Variants in RABGEF1 observed in about 807,000 individuals in gnomAD.
RABGEF1 encodes rab5 GDP/GTP exchange factor.
Under a neutral mutation model 57.3 loss-of-function variants are expected in RABGEF1, and 26 were observed. The observed-to-expected ratio is 0.45, with a 90% CI of 0.33 to 0.63. The LOEUF (loss-of-function observed/expected upper bound fraction) is 0.63. RABGEF1 is among the 20% of genes least tolerant of loss of function. The probability of loss-of-function intolerance (pLI) is 0.02; values close to 1 mark genes in which losing one functional copy is unlikely to be tolerated. For synonymous variants in RABGEF1, 185 were observed against 210.7 expected (o/e 0.88, Z 1.06); for missense variants, 464 against 607.6 (o/e 0.76, Z 2.48).
chr7:66,799,399 G>C lies in RABGEF1; in HGVS notation c.805G>C (p.Val269Leu), dbSNP rs373609152. 1 of 1,608,604 alleles carries C rather than the reference G, an allele frequency of 6.2e-7. No homozygotes were observed. Among genetic ancestry groups the C allele is most frequent in the East Asian group, 2.2e-5 (1 of 44,858 alleles). Residue 269 changes from valine (V) to leucine (L), a missense_variant, in exon 7 of 9, where the codon GTG (valine) becomes CTG (leucine). By Grantham distance (32) the Val-to-Leu change is conservative. Transcript: ENST00000284957. ...EDIPEVSDMV[V>L]KAITDIIEMD... Reference sequence around the variant, plus strand: ...CATCCCAGAAGTGTCTGATATGGTGGTGAAGGCGATCACAGGTCAGTGAAA... The same window carrying C: ...CATCCCAGAAGTGTCTGATATGGTGCTGAAGGCGATCACAGGTCAGTGAAA...
At chr7:66,805,521 A>T (rs1788239277) in intron 8 of RABGEF1, 125 bp downstream of exon 8, 1 of 1,415,474 alleles carries the variant, frequency 7.1e-7, no homozygotes, top group African/African-American at 1.4e-5. Context: ...ATGGCTGAGG[A>T]AGCTCACTTT....
At chr7:66,736,963 CAAAT>C (rs1198158631), upstream of RABGEF1, among the ~76,000 whole-genome samples, 4 of 152,076 alleles carry the variant, frequency 2.6e-5, no homozygotes, top group Admixed American at 6.6e-5. Context: ...CACACGCACA[CAAAT>C]ATATATATGT....
intron 1 of RABGEF1, among the ~76,000 whole-genome samples, chr7:66,683,523 C>G (rs891660717): frequency 5.9e-5 from 9 of 152,088 alleles, no homozygotes; most frequent in African/African-American, 1.9e-4. Flanking sequence ...ACTTTCAGAA[C>G]AGTGTGGTAA....
intron 7 of RABGEF1, among the ~76,000 whole-genome samples, chr7:66,802,252 G>T (rs1787460049): frequency 6.6e-6 from 1 of 152,190 alleles, no homozygotes; most frequent in Non-Finnish European, 1.5e-5. Flanking sequence ...GTGGGTAGAG[G>T]CCAAGGATTC....
At chr7:66,755,155 G>A (rs1338665300) in intron 1 of RABGEF1, among the ~76,000 whole-genome samples, 2 of 152,148 alleles carry the variant, frequency 1.3e-5, no homozygotes, top group East Asian at 1.9e-4. Context: ...TTAGCTGGGC[G>A]TGGTGGCAGG....
At chr7:66,781,139 C>A (rs893552397) in intron 3 of RABGEF1, among the ~76,000 whole-genome samples, 4 of 152,022 alleles carry the variant, frequency 2.6e-5, no homozygotes, top group African/African-American at 4.8e-5. Flanking sequence ...TTCTTTATGA[C>A]CACATCTTTA....
At chr7:66,701,357 C>G (rs556051309) in intron 1 of RABGEF1, among the ~76,000 whole-genome samples, 14 of 152,098 alleles carry the variant, frequency 9.2e-5, no homozygotes, top group Non-Finnish European at 2.1e-4. Context: ...AAAAAATTAG[C>G]CAGGCATGGT....
chr7:66,797,498 G>A lies in RABGEF1; in HGVS notation c.720G>A (p.Lys240=), dbSNP rs762389588. ...AGAAGAAAGATCTTGCCATTCAAAA[G>A]AGAATCAGGTAGTTGCTTATTTTGT... ...DDEKKDLAIQ[K]RIRALRWVTP... is the part of the protein sequence containing the mutation. The change falls in exon 6 of 9, where the codon AAG becomes AAA. Residue 240 remains lysine, a synonymous_variant. Transcript: ENST00000284957. The A allele has an allele frequency of 6.2e-7, 1 of 1,608,554 alleles. No homozygotes were observed. The highest frequency in any genetic ancestry group is 8.5e-7 in the Non-Finnish European group (1 of 1,178,726).
chr7:66,809,925 A>T lies in RABGEF1; in HGVS notation c.*641A>T, dbSNP rs1002158696. 1.3e-5 allele frequency: 2 copies of T among 152,788 alleles called. No individual in the cohort carries two copies. The highest frequency in any genetic ancestry group is 4.8e-5 in the African/African-American group (2 of 41,588). The allele number at this position is 152,788 out of a possible 1,614,324, so 9.5% of individuals were successfully genotyped here. On this transcript the variant is annotated 3_prime_UTR_variant, in exon 9 of 9. Transcript: ENST00000284957. ...CCATCTTTAAGAACGTGTTAGCCTT[A>T]ACTTTGAGGTTCTATATAGTCAGAG...
chr7:66,782,023 AC>A (rs1306877511), intron 3 of RABGEF1, among the ~76,000 whole-genome samples: 1 of 152,196 alleles, frequency 6.6e-6, no homozygotes, highest in Non-Finnish European at 1.5e-5. Flanking sequence ...AGTAGAGTAA[AC>A]CTGAATGCCA....
chr7:66,733,244 G>A (rs929119443), intron 2 of RABGEF1, among the ~76,000 whole-genome samples: 11 of 152,148 alleles, frequency 7.2e-5, no homozygotes, highest in African/African-American at 2.4e-4. Context: ...TCTCCATGAA[G>A]TGTCCACACT....
At chr7:66,739,819 A>T (rs1220085211), upstream of RABGEF1, 2 of 152,240 alleles carry the variant, frequency 1.3e-5, no homozygotes, top group African/African-American at 2.4e-5. Flanking sequence ...ACGTTACGCC[A>T]TACATGGCAT....
chr7:66,728,229 C>T (rs371555195), intron 2 of RABGEF1, among the ~76,000 whole-genome samples: 1 of 152,190 alleles, frequency 6.6e-6, no homozygotes, highest in African/African-American at 2.4e-5. Flanking sequence ...ATCCCATCTG[C>T]TGCCTGGGTT....
intron 1 of RABGEF1, among the ~76,000 whole-genome samples, chr7:66,705,166 C>T (rs558103471): frequency 1.3e-4 from 20 of 152,046 alleles, no homozygotes; most frequent in East Asian, 7.7e-4. Context: ...TTTGGGAGGC[C>T]GAGGCAGGCA....
chr7:66,664,763 C>T, the RABGEF1 span, among the ~76,000 whole-genome samples: 1 of 152,234 alleles, frequency 6.6e-6, no homozygotes, highest in Non-Finnish European at 1.5e-5. Flanking sequence ...GCGCCGGCGG[C>T]TGCCGCTTAA....
intron 1 of RABGEF1, among the ~76,000 whole-genome samples, chr7:66,755,675 A>G (rs2129070631): frequency 6.6e-6 from 1 of 152,292 alleles, no homozygotes; most frequent in East Asian, 1.9e-4. Context: ...TACGGTAGCC[A>G]GATTATCTTG....
chr7:66,741,314 G>A (rs1249543215), intron 1 of RABGEF1, among the ~76,000 whole-genome samples: 3 of 152,226 alleles, frequency 2.0e-5, no homozygotes, highest in Non-Finnish European at 4.4e-5. Context: ...GAAGTGTCCC[G>A]GAGTTGGGAG....
chr7:66,697,830 G>C (rs942532885), intron 1 of RABGEF1, among the ~76,000 whole-genome samples: 13 of 152,110 alleles, frequency 8.5e-5, no homozygotes, highest in African/African-American at 3.1e-4. Flanking sequence ...GGGGCCATCG[G>C]AGGAAGGCTG....
chr7:66,667,280 C>T, the RABGEF1 span: 1 of 152,552 alleles, frequency 6.6e-6, no homozygotes, highest in East Asian at 1.9e-4. Flanking sequence ...GAAGCAGTCC[C>T]TGTTGGTGGG....
Sources: allele counts gnomAD v4.1 joint callset (sites outside exome capture counted in the v4.1 genomes callset), GRCh38; gene constraint gnomAD v4.1.1; transcripts MANE v1.5; gene names NCBI Gene and HGNC (gene_info 2026-07-23, HGNC 2026-07-21).